The following BPIFA2 variants were observed in gnomAD, a reference collection of about 807,000 sequenced individuals.
The protein encoded by BPIFA2 is BPI fold-containing family A member 2.
In BPIFA2, 20 loss-of-function variants were observed where a neutral mutation model predicts 25.7. The observed-to-expected ratio is 0.78, with a 90% CI of 0.55 to 1.13. BPIFA2 has a LOEUF of 1.13. Ranked by LOEUF, BPIFA2 falls within the 50% of genes most tolerant of loss-of-function variation. The probability of loss-of-function intolerance (pLI) is 0.00; values close to 1 mark genes in which losing one functional copy is unlikely to be tolerated. For missense variants in BPIFA2, 300 were observed against 298.1 expected (o/e 1.01, Z -0.05); for synonymous variants, 126 against 124.3 (o/e 1.01, Z -0.09).
At chr20:33,174,261 G>A (rs999054016) in intron 4 of BPIFA2, 75 bp downstream of exon 4, 80 of 1,326,350 alleles carry the variant, frequency 6.0e-5, no homozygotes, top group Middle Eastern at 3.7e-4. Flanking sequence ...CTGGGAATCG[G>A]GCACCTCCTC....
At chr20:33,171,765 T>C (rs1983904725) in intron 2 of BPIFA2, among the ~76,000 whole-genome samples, 1 of 152,140 alleles carries the variant, frequency 6.6e-6, no homozygotes, top group African/African-American at 2.4e-5. Flanking sequence ...TGTAGAGAAA[T>C]AGGAACACTT....
intron 2 of BPIFA2, among the ~76,000 whole-genome samples, chr20:33,172,414 T>C (rs765676045): frequency 7.0e-6 from 1 of 143,844 alleles, no homozygotes; most frequent in South Asian, 2.1e-4. Context: ...AAAAAAAAAA[T>C]TATTATTATT....
chr20:33,179,184 C>A (rs1003113773), intron 6 of BPIFA2, among the ~76,000 whole-genome samples: 11 of 152,212 alleles, frequency 7.2e-5, no homozygotes, highest in African/African-American at 2.6e-4. Context: ...AATCCCAGCT[C>A]TTTTGAAGGT....
rs1291761946 is a variant in BPIFA2 at position 33,169,313 on chromosome 20, A to T, written c.157+11A>T. On this transcript the variant is annotated intron_variant, in intron 2 of 8. Transcript: ENST00000354932. ...ACAATACTCTTAAAGGTAAATCAACAAGGGTGATGAACAGTGTCACCTAAA... is the reference window on the plus strand; with the variant it reads ...ACAATACTCTTAAAGGTAAATCAACTAGGGTGATGAACAGTGTCACCTAAA... 6.2e-7 allele frequency: 1 copy of T among 1,613,114 alleles called. No individual in the cohort carries two copies. The highest frequency in any genetic ancestry group is 1.1e-5 in the South Asian group (1 of 91,036).
chr20:33,176,925 T>C (rs1213122794), intron 5 of BPIFA2, among the ~76,000 whole-genome samples: 1 of 152,178 alleles, frequency 6.6e-6, no homozygotes, highest in African/African-American at 2.4e-5. Flanking sequence ...TTGATGGACT[T>C]TTGCATCCTT....
chr20:33,169,719 A>G (rs1789805288), intron 2 of BPIFA2, among the ~76,000 whole-genome samples: 1 of 152,190 alleles, frequency 6.6e-6, no homozygotes, highest in Admixed American at 6.5e-5. Flanking sequence ...CATTCCTCTA[A>G]TTATGAAGGA....
At chr20:33,173,528 G>A (rs1030453606) in intron 3 of BPIFA2, among the ~76,000 whole-genome samples, 1 of 151,872 alleles carries the variant, frequency 6.6e-6, no homozygotes, top group Admixed American at 6.6e-5. Flanking sequence ...TTTTTGAGAT[G>A]GAGTTTCACT....
chr20:33,171,584 A>T (rs139560756), intron 2 of BPIFA2, among the ~76,000 whole-genome samples: 29 of 152,370 alleles, frequency 1.9e-4, no homozygotes, highest in African/African-American at 7.0e-4. Context: ...AAAGGATATG[A>T]ACAGACACTT....
intron 4 of BPIFA2, among the ~76,000 whole-genome samples, 162 bp downstream of exon 4, chr20:33,174,348 C>T (rs1191440591): frequency 6.6e-6 from 1 of 152,146 alleles, no homozygotes; most frequent in African/African-American, 2.4e-5. Context: ...GATCTTAACC[C>T]TTAAAATGTT....
At chr20:33,174,463 GA>G (rs1183796590) in intron 4 of BPIFA2, among the ~76,000 whole-genome samples, 2 of 152,164 alleles carry the variant, frequency 1.3e-5, no homozygotes, top group African/African-American at 4.8e-5. Flanking sequence ...GAAAAGTTGA[GA>G]TAACAAACAT....
upstream of BPIFA2, among the ~76,000 whole-genome samples, chr20:33,167,494 C>T (rs1983759762): frequency 6.6e-6 from 1 of 152,324 alleles, no homozygotes; most frequent in East Asian, 1.9e-4. Flanking sequence ...GACAAGCCAC[C>T]TCCCTCTCTG....
rs183584934 is a variant in BPIFA2 at position 33,173,588 on chromosome 20, C to T, written c.303-491C>T. Among the ~76,000 whole-genome samples, 46 of 152,230 alleles carry T rather than the reference C, an allele frequency of 3.0e-4. 1 individual carries two copies. The highest frequency in any genetic ancestry group is 5.1e-4 in the Non-Finnish European group (35 of 68,026). On this transcript the variant is annotated intron_variant, in intron 3 of 8. Transcript: ENST00000354932. The stretch of plus-strand genomic sequence containing the variant: ...TGGCACAATCTTGGCTCACTACAGC[C>T]TCGCCTCCTGGGTTCAAGCGATTCT...
At chr20:33,179,163 C>T (rs566361120) in intron 6 of BPIFA2, among the ~76,000 whole-genome samples, 13 of 152,222 alleles carry the variant, frequency 8.5e-5, no homozygotes, top group African/African-American at 1.2e-4. Context: ...GGCGCGGTGG[C>T]TTATGCCTGT....
chr20:33,169,064 G>A, intron 1 of BPIFA2, 67 bp from the exon 2 acceptor site: 1 of 1,309,680 alleles, frequency 7.6e-7, no homozygotes, highest in Non-Finnish European at 1.1e-6. Flanking sequence ...AAGAGTGATG[G>A]GAACTCACTG....
rs185016889 is a variant in BPIFA2 at position 33,168,367 on chromosome 20, G to A, written c.-16+158G>A. 1.7e-3 allele frequency among the ~76,000 whole-genome samples: 255 copies of A among 152,278 alleles called. 3 individuals are homozygous for A. In the Middle Eastern group the frequency reaches 0.027, roughly 16 times the overall value. The stretch of plus-strand genomic sequence containing the variant: ...TAAATGTGCTCTAAATGGCAAGTTC[G>A]TGATGAGTACTCACTAAAGATTCCA... On this transcript the variant is annotated intron_variant, in intron 1 of 8. Coordinates refer to ENST00000354932, the MANE Select transcript of BPIFA2 (RefSeq NM_080574.4).
intron 3 of BPIFA2, among the ~76,000 whole-genome samples, chr20:33,173,783 C>A (rs139012656): frequency 1.2e-3 from 189 of 152,296 alleles, no homozygotes; most frequent in African/African-American, 4.3e-3. Context: ...GGATTACAGG[C>A]GTGAGTCACC....
chr20:33,167,683 C>G (rs199852965), upstream of BPIFA2, among the ~76,000 whole-genome samples: 8 of 70 alleles, frequency 0.11, no homozygotes, highest in East Asian at 0.5. Flanking sequence ...GGGGCAGGAC[C>G]CCTGGGAGGC....
chr20:33,178,220 C>T lies in BPIFA2; in HGVS notation c.637C>T (p.Gln213Ter), dbSNP rs1984151131. 6.3e-7 allele frequency: 1 copy of T among 1,592,074 alleles called. No homozygotes were observed. The highest frequency in any genetic ancestry group is 8.6e-7 in the Non-Finnish European group (1 of 1,162,622). Residue 213 changes from glutamine (Q) to a stop codon, truncating the protein, a stop_gained, in exon 6 of 9, where the codon CAG becomes TAG. Coordinates refer to ENST00000354932, the MANE Select transcript of BPIFA2 (RefSeq NM_080574.4). LOFTEE classifies it high-confidence loss of function. ...GAAAAGCACTGTATCCTCCCTGCTGCAGAAGGAGGTGAGTCTCCCACTCCT... is the reference window on the plus strand; with the variant it reads ...GAAAAGCACTGTATCCTCCCTGCTGTAGAAGGAGGTGAGTCTCCCACTCCT... ...TLKSTVSSLL[Q>*]KEICPLIRIF... is the part of the protein sequence containing the mutation.
intron 6 of BPIFA2, among the ~76,000 whole-genome samples, chr20:33,178,543 A>T (rs928319190): frequency 2.6e-5 from 4 of 152,240 alleles, no homozygotes; most frequent in Non-Finnish European, 4.4e-5. Flanking sequence ...ATTTATTTTT[A>T]AAAATAAAAC....
Sources: gnomAD v4.1 joint callset for allele counts (sites outside exome capture counted in the v4.1 genomes callset) on GRCh38, gnomAD v4.1.1 for gene constraint, MANE v1.5 for transcripts, NCBI Gene and HGNC (gene_info 2026-07-23, HGNC 2026-07-21) for gene names.